Variants in PRDM10 observed in about 807,000 individuals in gnomAD.
The protein encoded by PRDM10 is PR/SET domain 10.
PRDM10 carries 65 observed loss-of-function variants against 133.1 expected under a neutral mutation model. That is an observed-to-expected ratio of 0.49 (90% confidence interval 0.40 to 0.60). The LOEUF is 0.60. Ranked by LOEUF, PRDM10 falls within the 20% of genes least tolerant of loss-of-function variation. The pLI, the probability that PRDM10 is intolerant of heterozygous loss-of-function variation, is 0.00. For synonymous variants in PRDM10, 582 were observed against 580.4 expected (o/e 1.00, Z -0.04); for missense variants, 1,137 against 1,507.1 (o/e 0.75, Z 4.07).
chr11:129,951,297 T>C (rs143040182), intron 4 of PRDM10, among the ~76,000 whole-genome samples: 2,894 of 152,332 alleles, frequency 0.019, 41 homozygotes, highest in Middle Eastern at 0.058. Flanking sequence ...CTGCACTGCC[T>C]TTTCCACTAC....
chr11:129,973,459 G>A (rs546726761), intron 1 of PRDM10, among the ~76,000 whole-genome samples: 1 of 152,296 alleles, frequency 6.6e-6, no homozygotes, highest in South Asian at 2.1e-4. Context: ...TTAAATTCCA[G>A]ATGCAGATTT....
intron 1 of PRDM10, among the ~76,000 whole-genome samples, chr11:129,977,963 T>TAA (rs200249658): frequency 3.4e-5 from 5 of 145,782 alleles, no homozygotes; most frequent in African/African-American, 5.0e-5. Context: ...ACCCTGTCTT[T>TAA]AAAAAAAAAA....
In PRDM10 at chr11:129,902,343, T is replaced by C. The variant is rs1375652996; in HGVS notation, c.3441A>G (p.Gly1147=). The change falls in exon 21 of 21, where the codon GGA becomes GGG. Residue 1147 remains glycine, a synonymous_variant. Coordinates refer to ENST00000360871, the MANE Select transcript of PRDM10 (RefSeq NM_199437.2). ...GTTTGGTGATATGCACTTCGCTGCT[T>C]CCGTTCCCGTTGGTGGTGGTGGTGA... The part of the protein sequence containing the change: ...YIITTTTNGN[G]SSEVHITKP 2.5e-6 allele frequency: 4 copies of C among 1,614,068 alleles called. No homozygotes were observed. The highest frequency in any genetic ancestry group is 3.4e-6 in the Non-Finnish European group (4 of 1,180,032).
intron 14 of PRDM10, 39 bp from the exon 15 acceptor site, chr11:129,917,276 C>A: frequency 6.8e-7 from 1 of 1,477,286 alleles, no homozygotes; most frequent in African/African-American, 1.4e-5. Flanking sequence ...AAAAGAGACC[C>A]CATTAACCAA....
In PRDM10 at chr11:129,902,375, A is replaced by G; in HGVS notation, c.3409T>C (p.Tyr1137His). The change falls in exon 21 of 21, where the codon TAC becomes CAC. Residue 1137 changes from tyrosine (Y) to histidine (H), a missense_variant. Transcript: ENST00000360871. ...QTNSQQQTTQ[Y>H]IITTTTNGNG... is the part of the protein sequence containing the mutation. ...CCGTTGGTGGTGGTGGTGATGATGT[A>G]CTGTGTGGTCTGCTGTTGGCTGTTG... 6.2e-7 allele frequency: 1 copy of G among 1,613,978 alleles called. No individual in the cohort carries two copies. Among genetic ancestry groups the G allele is most frequent in the African/African-American group, 1.3e-5 (1 of 74,988 alleles).
intron 1 of PRDM10, among the ~76,000 whole-genome samples, chr11:129,961,510 T>C (rs146878276): frequency 0.031 from 4,711 of 152,028 alleles, 114 homozygotes; most frequent in East Asian, 0.12. Flanking sequence ...TTCACCATGT[T>C]GGCCAGGCTG....
At chr11:129,950,530 G>A (rs891423375) in intron 4 of PRDM10, among the ~76,000 whole-genome samples, 4 of 152,146 alleles carry the variant, frequency 2.6e-5, no homozygotes, top group Admixed American at 2.6e-4. Flanking sequence ...CCCTGTGAGG[G>A]TGAGGACTCC....
chr11:129,974,907 A>G (rs984769422), intron 1 of PRDM10, among the ~76,000 whole-genome samples: 2 of 152,180 alleles, frequency 1.3e-5, no homozygotes, highest in Non-Finnish European at 2.9e-5. Flanking sequence ...ACGCAAAGTG[A>G]GATAAGCCAG....
Position 129,929,503 on chromosome 11 carries a change from A to G in PRDM10, c.1530+1513T>C. 2.4e-6 allele frequency: 3 copies of G among 1,258,982 alleles called. No individual in the cohort carries two copies. The Admixed American group carries it at 7.2e-5, about 30-fold the overall frequency. 78.0% of individuals were successfully genotyped at this position (1,258,982 alleles called of 1,614,324 possible). A position where few individuals can be genotyped will look rare whatever the true frequency, so the allele number is the denominator to read the frequency against. On this transcript the variant is annotated intron_variant, in intron 11 of 20. Transcript: ENST00000360871. Reference sequence around the variant, plus strand: ...GACTTCCCTTCAGTTGGTCATTACCAATCTGGATAGAAAAGATGAAAAAAT... The same window carrying G: ...GACTTCCCTTCAGTTGGTCATTACCGATCTGGATAGAAAAGATGAAAAAAT...
intron 1 of PRDM10, among the ~76,000 whole-genome samples, chr11:129,988,660 C>T (rs1048294413): frequency 2.6e-5 from 4 of 151,382 alleles, no homozygotes; most frequent in Non-Finnish European, 5.9e-5. Context: ...GACGGAATCT[C>T]GCTCTGTTGC....
rs199839327 is a variant in PRDM10 at position 129,960,981 on chromosome 11, A to T, written c.-17T>A. 216 of 1,613,878 alleles carry T rather than the reference A, an allele frequency of 1.3e-4. 1 individual carries two copies. The highest frequency in any genetic ancestry group is 5.1e-5 in the Non-Finnish European group (60 of 1,179,854). The stretch of plus-strand genomic sequence containing the variant: ...GGAATCCATCTTCTCCCAACTGGAC[A>T]GCTCCACGTCTGGCACACCTAGAGC... On this transcript the variant is annotated 5_prime_UTR_variant, in exon 2 of 21. Coordinates refer to ENST00000360871, the MANE Select transcript of PRDM10 (RefSeq NM_199437.2).
At chr11:129,931,629 G>A (rs1335821702) in intron 10 of PRDM10, among the ~76,000 whole-genome samples, 2 of 150,674 alleles carry the variant, frequency 1.3e-5, no homozygotes, top group Admixed American at 6.6e-5. Flanking sequence ...GTGCAGTGGC[G>A]CGATCTCGAC....
chr11:129,921,473 T>C (rs1299134801), intron 13 of PRDM10, among the ~76,000 whole-genome samples: 1 of 152,218 alleles, frequency 6.6e-6, no homozygotes, highest in African/African-American at 2.4e-5. Flanking sequence ...CCAGAGAGGC[T>C]GGCAGGAGCC....
intron 2 of PRDM10, 67 bp from the exon 3 acceptor site, chr11:129,957,977 G>A (rs1442500621): frequency 3.5e-5 from 53 of 1,508,594 alleles, no homozygotes; most frequent in Non-Finnish European, 4.7e-5. Context: ...AAGCACACCT[G>A]GGTTTCTAAA....
intron 6 of PRDM10, among the ~76,000 whole-genome samples, chr11:129,943,882 A>G (rs1951299925): frequency 6.6e-6 from 1 of 152,026 alleles, no homozygotes; most frequent in African/African-American, 2.4e-5. Flanking sequence ...AGTCCCAGCT[A>G]CTCGGGAGGC....
rs1246839096 is a variant in PRDM10, at chr11:129,899,805, G to A, written c.*2508C>T. On this transcript the variant is annotated 3_prime_UTR_variant, in exon 21 of 21. Coordinates refer to ENST00000360871, the MANE Select transcript of PRDM10 (RefSeq NM_199437.2). ...AAGACTATTAACACTATAACTCACT[G>A]AATGTACAATAAATGTTCACATTTA... is the stretch of plus-strand genomic sequence containing the variant. 6.6e-6 allele frequency: 1 copy of A among 152,592 alleles called. No individual in the cohort carries two copies. The highest frequency in any genetic ancestry group is 1.5e-5 in the Non-Finnish European group (1 of 68,028). The allele number at this position is 152,592 out of a possible 1,614,324, so 9.5% of individuals were successfully genotyped here.
chr11:129,911,259 T>C (rs530779178), intron 18 of PRDM10, among the ~76,000 whole-genome samples: 3 of 152,320 alleles, frequency 2.0e-5, no homozygotes, highest in South Asian at 4.1e-4. Context: ...TCTATAAGTT[T>C]AAAAATAATG....
intron 13 of PRDM10, among the ~76,000 whole-genome samples, chr11:129,919,240 A>G (rs561499810): frequency 4.3e-4 from 65 of 152,174 alleles, no homozygotes; most frequent in African/African-American, 1.4e-3. Flanking sequence ...GTGTGGTGGC[A>G]CACGTAATCC....
At chr11:129,998,572 T>A (rs768483668) in intron 1 of PRDM10, among the ~76,000 whole-genome samples, 1 of 152,204 alleles carries the variant, frequency 6.6e-6, no homozygotes, top group Admixed American at 6.5e-5. Flanking sequence ...TTTTAACTAG[T>A]CTTGCTGTAA....
Sources: gnomAD v4.1 joint callset for allele counts (sites outside exome capture counted in the v4.1 genomes callset) on GRCh38, gnomAD v4.1.1 for gene constraint, MANE v1.5 for transcripts, NCBI Gene and HGNC (gene_info 2026-07-23, HGNC 2026-07-21) for gene names.